Variants in TMEM245 observed in about 807,000 individuals in gnomAD.
TMEM245 encodes the protein protein CG-2.
TMEM245 carries 69 observed loss-of-function variants against 101.2 expected under a neutral mutation model. That is an observed-to-expected ratio of 0.68 (90% CI 0.56 to 0.83). TMEM245 has a LOEUF of 0.83. TMEM245 is among the 40% of genes least tolerant of loss of function. The pLI is 0.00. For missense variants in TMEM245, 1,075 were observed against 1,092.8 expected (o/e 0.98, Z 0.23); for synonymous variants, 537 against 449.8 (o/e 1.19, Z -2.45).
At position 109,038,008 on chromosome 9, in the gene TMEM245, G is replaced by A. The variant is rs1828188371; in HGVS notation, c.2224+9C>T. On this transcript the variant is annotated intron_variant, in intron 15 of 17. Coordinates refer to ENST00000374586, the MANE Select transcript of TMEM245 (RefSeq NM_032012.4). Reference sequence around the variant, plus strand: ...TAGCGAATAGTGGAAGGTACAATATGGTTGTTACCTGATGGTATGAAGACA... The same window carrying A: ...TAGCGAATAGTGGAAGGTACAATATAGTTGTTACCTGATGGTATGAAGACA... 6 of 1,588,316 alleles carry A rather than the reference G, an allele frequency of 3.8e-6. No homozygotes were observed. In the South Asian group the frequency reaches 4.5e-5, roughly 12 times the overall value.
intron 11 of TMEM245, among the ~76,000 whole-genome samples, chr9:109,059,787 T>C (rs57896312): frequency 0.13 from 20,254 of 152,072 alleles, 1,588 homozygotes; most frequent in African/African-American, 0.19. Flanking sequence ...ACAGTTGTAC[T>C]GTCTAAAACA....
chr9:109,033,581 T>TAAAG, intron 16 of TMEM245, 80 bp from the exon 17 acceptor site: 1 of 1,352,296 alleles, frequency 7.4e-7, no homozygotes, highest in African/African-American at 1.4e-5. Flanking sequence ...GTGCATTCTT[T>TAAAG]AATACACTAT....
chr9:109,090,792 A>T, intron 5 of TMEM245, 130 bp downstream of exon 5: 1 of 768,000 alleles, frequency 1.3e-6, no homozygotes, highest in Non-Finnish European at 2.0e-6. Context: ...TTTACTATTT[A>T]AATGCAAACA....
At chr9:109,102,628 A>G (rs1830308148) in intron 3 of TMEM245, among the ~76,000 whole-genome samples, 1 of 152,242 alleles carries the variant, frequency 6.6e-6, no homozygotes, top group South Asian at 2.1e-4. Context: ...TTGTGTTTTT[A>G]AAAGCCTAAA....
intron 14 of TMEM245, among the ~76,000 whole-genome samples, chr9:109,044,766 T>C (rs972626076): frequency 4.6e-5 from 7 of 150,622 alleles, no homozygotes; most frequent in African/African-American, 1.7e-4. Context: ...ATTTTGGTTT[T>C]TTTTTTTTTT....
chr9:109,050,595 G>A lies in TMEM245; in HGVS notation c.1952C>T (p.Ala651Val). ...LLTILFYSGT[A>V]LLNFVLSLII... ...CAGAGAGAGTACAAAATTGAGAAGGGCTGTCCCGCTGTAGAAGAGGATGGT... is the reference window on the plus strand; with the variant it reads ...CAGAGAGAGTACAAAATTGAGAAGGACTGTCCCGCTGTAGAAGAGGATGGT... Residue 651 changes from alanine to valine, a missense_variant, in exon 13 of 18, where the codon GCC becomes GTC. Physicochemically the swap from Ala to Val is moderately conservative, Grantham distance 64. Transcript: ENST00000374586. 6.2e-7 allele frequency: 1 copy of A among 1,613,772 alleles called. No individual in the cohort carries two copies.
intron 12 of TMEM245, 119 bp from the exon 13 acceptor site, chr9:109,050,811 G>T: frequency 2.0e-6 from 2 of 1,020,812 alleles, no homozygotes; most frequent in Non-Finnish European, 2.7e-6. Flanking sequence ...TAAGAACTGA[G>T]GATTATTTCA....
chr9:109,054,158 C>G (rs966938991), intron 12 of TMEM245, among the ~76,000 whole-genome samples: 3 of 152,076 alleles, frequency 2.0e-5, no homozygotes, highest in Non-Finnish European at 1.5e-5. Flanking sequence ...TAGCAAGACC[C>G]CATCTCTGCA....
Position 109,119,790 on chromosome 9 carries a change from G to A in TMEM245, c.124C>T (p.Leu42=). ...ATGGGCTTGTCGAAGCGCAGCGCCA[G>A]CGCCGCGGTCCGCGGGGTCTCCCCG... ...GGGETPRTAA[L]ALRFDKPIKQ... Residue 42 remains leucine, a synonymous_variant, in exon 1 of 18, where the codon CTG becomes TTG. Coordinates refer to ENST00000374586, the MANE Select transcript of TMEM245 (RefSeq NM_032012.4). The A allele has an allele frequency of 2.0e-6, 3 of 1,470,600 alleles. No homozygotes were observed. The highest frequency in any genetic ancestry group is 2.7e-6 in the Non-Finnish European group (3 of 1,114,190). 91.1% of individuals were successfully genotyped at this position (1,470,600 alleles called of 1,614,324 possible).
chr9:109,047,342 A>G lies in TMEM245; in HGVS notation c.2123+2941T>C, dbSNP rs1456388457. Among the ~76,000 whole-genome samples the G allele has an allele frequency of 4.6e-5, 7 of 152,226 alleles. No individual in the cohort carries two copies. The East Asian group carries it at 1.2e-3, about 25-fold the overall frequency. ...TAATTTGTAAAAGACTGATTTCCTC[A>G]TATCGCTGTAGATGACAGCACTCTT... On this transcript the variant is annotated intron_variant, in intron 14 of 17. Transcript: ENST00000374586.
chr9:109,090,979 C>T lies in TMEM245; in HGVS notation c.1093G>A (p.Val365Ile), dbSNP rs191792154. ...CACAGGTTCAACCAGATCTGCATGA[C>T]GACAATGGCCCAAACTAGAGACACA... ...YFVSLVWAIVVMQIWLNLWIV... is the reference protein window; with the variant it reads ...YFVSLVWAIVIMQIWLNLWIV... The change falls in exon 5 of 18, where the codon GTC becomes ATC. Residue 365 changes from valine to isoleucine, a missense_variant. Transcript: ENST00000374586. 2.0e-5 allele frequency: 32 copies of T among 1,614,078 alleles called. No homozygotes were observed. The Admixed American group carries it at 3.2e-4, about 16-fold the overall frequency.
At chr9:109,080,437 G>A (rs1431581562) in intron 8 of TMEM245, among the ~76,000 whole-genome samples, 2 of 152,064 alleles carry the variant, frequency 1.3e-5, no homozygotes, top group East Asian at 1.9e-4. Flanking sequence ...GTATATATCA[G>A]CAGAAGGATC....
At chr9:109,066,452 CAAAAAAAAAAA>C (rs386415818) in intron 9 of TMEM245, among the ~76,000 whole-genome samples, 2 of 52,484 alleles carry the variant, frequency 3.8e-5, no homozygotes, top group Non-Finnish European at 6.2e-5. Flanking sequence ...AAGACTGTCT[CAAAAAAAAAAA>C]AAAAAAAAAA....
chr9:109,083,914 A>AC (rs1202792046), intron 7 of TMEM245, among the ~76,000 whole-genome samples: 21 of 141,546 alleles, frequency 1.5e-4, no homozygotes, highest in East Asian at 4.1e-4. Flanking sequence ...AAAAAAAAAA[A>AC]AAAAAAAAAA....
intron 11 of TMEM245, among the ~76,000 whole-genome samples, chr9:109,058,157 C>A (rs372895085): frequency 6.6e-6 from 1 of 151,464 alleles, no homozygotes; most frequent in Non-Finnish European, 1.5e-5. Flanking sequence ...CCTGCCACAA[C>A]GCCTGGCTAA....
At chr9:109,054,154 G>A (rs1828768476) in intron 12 of TMEM245, among the ~76,000 whole-genome samples, 1 of 152,106 alleles carries the variant, frequency 6.6e-6, no homozygotes, top group Non-Finnish European at 1.5e-5. Flanking sequence ...AACATAGCAA[G>A]ACCCCATCTC....
chr9:109,094,616 G>A (rs1366900627), intron 3 of TMEM245, among the ~76,000 whole-genome samples: 3 of 152,194 alleles, frequency 2.0e-5, no homozygotes, highest in Non-Finnish European at 4.4e-5. Context: ...CATTTCTCCT[G>A]ATTGCACTGC....
chr9:109,106,397 C>T, intron 3 of TMEM245, 111 bp downstream of exon 3: 1 of 574,306 alleles, frequency 1.7e-6, no homozygotes, highest in Admixed American at 3.6e-5. Context: ...CACTCAGAAA[C>T]CATCATAGGT....
intron 9 of TMEM245, among the ~76,000 whole-genome samples, chr9:109,070,440 C>T (rs969129408): frequency 6.6e-6 from 1 of 152,152 alleles, no homozygotes; most frequent in Non-Finnish European, 1.5e-5. Context: ...TTTCTTCCTC[C>T]TATATCCAAT....
Sources: gnomAD v4.1 joint callset for allele counts (sites outside exome capture counted in the v4.1 genomes callset) on GRCh38, gnomAD v4.1.1 for gene constraint, MANE v1.5 for transcripts, NCBI Gene and HGNC (gene_info 2026-07-23, HGNC 2026-07-21) for gene names.